Variants in ACOX3 observed in about 807,000 individuals in gnomAD.
ACOX3 encodes the protein acyl-CoA oxidase 3, pristanoyl.
ACOX3 carries 73 observed loss-of-function variants against 81.5 expected under a neutral mutation model. That is an observed-to-expected ratio of 0.90 (90% CI 0.74 to 1.09). The LOEUF is 1.09. Ranked by LOEUF, ACOX3 falls within the 50% of genes least tolerant of loss-of-function variation. The probability of loss-of-function intolerance (pLI) is 0.00; values close to 1 mark genes in which losing one functional copy is unlikely to be tolerated. For synonymous variants in ACOX3, 387 were observed against 375.1 expected (o/e 1.03, Z -0.37); for missense variants, 947 against 928.0 (o/e 1.02, Z -0.27).
intron 6 of ACOX3, 84 bp downstream of exon 6, chr4:8,410,128 G>C: frequency 6.6e-7 from 1 of 1,505,422 alleles, no homozygotes; most frequent in Non-Finnish European, 9.0e-7. Context: ...CCCCACCCTT[G>C]TTATGACAAA....
At chr4:8,409,217 CTT>C (rs1389953647) in intron 6 of ACOX3, among the ~76,000 whole-genome samples, 1 of 152,246 alleles carries the variant, frequency 6.6e-6, no homozygotes. Flanking sequence ...AATTGAAAAA[CTT>C]TGTGCATCAA....
At chr4:8,373,397 G>A (rs995982368) in intron 16 of ACOX3, among the ~76,000 whole-genome samples, 164 bp downstream of exon 16, 10 of 150,332 alleles carry the variant, frequency 6.7e-5, no homozygotes, top group Admixed American at 3.3e-4. Context: ...GTCGGTCTGG[G>A]TAAGGGGGTG....
At chr4:8,403,382 G>A (rs1009232957) in intron 7 of ACOX3, among the ~76,000 whole-genome samples, 3 of 152,302 alleles carry the variant, frequency 2.0e-5, no homozygotes, top group African/African-American at 7.2e-5. Flanking sequence ...TCCAGCCCTG[G>A]ATGGGAAATG....
intron 6 of ACOX3, 151 bp downstream of exon 6, chr4:8,410,061 G>A: frequency 9.8e-7 from 1 of 1,024,486 alleles, no homozygotes; most frequent in Non-Finnish European, 1.4e-6. Context: ...GGGGCTATGG[G>A]ATGCACTGGG....
chr4:8,433,612 G>A (rs1013720135), intron 1 of ACOX3, among the ~76,000 whole-genome samples: 1 of 152,202 alleles, frequency 6.6e-6, no homozygotes, highest in African/African-American at 2.4e-5. Flanking sequence ...CAGTGTGTCT[G>A]GGAGGATACG....
chr4:8,414,536 G>A lies in ACOX3; in HGVS notation c.454-155C>T, dbSNP rs1459701352. On this transcript the variant is annotated intron_variant, in intron 4 of 17. Transcript: ENST00000356406. This position sits in a 1 kb window ranked among gnomAD's most constrained non-coding sequence, Gnocchi z 6.1. ...ACTAGTGACTTGACTGAGTCATGCTGCCACACTCAGCTGGCAACCACAGCA... is the reference window on the plus strand; with the variant it reads ...ACTAGTGACTTGACTGAGTCATGCTACCACACTCAGCTGGCAACCACAGCA... Among the ~76,000 whole-genome samples the A allele has an allele frequency of 6.6e-6, 1 of 152,154 alleles. No homozygotes were observed. The highest frequency in any genetic ancestry group is 2.4e-5 in the African/African-American group (1 of 41,428).
At chr4:8,365,643 G>T (rs1361340610), downstream of ACOX3, among the ~76,000 whole-genome samples, 2 of 152,206 alleles carry the variant, frequency 1.3e-5, no homozygotes, top group Non-Finnish European at 2.9e-5. Context: ...CCCACGAGAT[G>T]ATGAATCCTG....
chr4:8,404,934 G>GA (rs1417877652), intron 7 of ACOX3, among the ~76,000 whole-genome samples: 1 of 152,142 alleles, frequency 6.6e-6, no homozygotes, highest in Admixed American at 6.5e-5. Flanking sequence ...GCTCTCGGGG[G>GA]AGACAGCGTG....
At chr4:8,425,725 G>T (rs903539610) in intron 1 of ACOX3, among the ~76,000 whole-genome samples, 7 of 151,214 alleles carry the variant, frequency 4.6e-5, no homozygotes. Flanking sequence ...CACTGGTTGG[G>T]AGGAGGCCTT....
intron 1 of ACOX3, among the ~76,000 whole-genome samples, chr4:8,427,275 A>C (rs905408273): frequency 6.6e-6 from 1 of 152,250 alleles, no homozygotes; most frequent in Non-Finnish European, 1.5e-5. Context: ...ATTCAAGCCG[A>C]ATCGGGCAAC....
In ACOX3 at chr4:8,381,623, C is replaced by T; in HGVS notation, c.1538-16G>A. ...GCCAGGGCGACTTCGGAATGACAAA[C>T]AGAAGGAGAAAAAGTAACAATAGAG... On this transcript the variant is annotated splice_polypyrimidine_tract_variant and intron_variant, in intron 13 of 17. Transcript: ENST00000356406. This position sits in a 1 kb window ranked among gnomAD's most constrained non-coding sequence, Gnocchi z 4.3. 1 of 1,582,362 alleles carries T rather than the reference C, an allele frequency of 6.3e-7. No homozygotes were observed. The highest frequency in any genetic ancestry group is 8.7e-7 in the Non-Finnish European group (1 of 1,152,858).
chr4:8,381,637 G>T lies in ACOX3; in HGVS notation c.1538-30C>A. ...GGAATGACAAACAGAAGGAGAAAAA[G>T]TAACAATAGAGAACACAGCATTTGT... On this transcript the variant is annotated intron_variant, in intron 13 of 17. Transcript: ENST00000356406. The surrounding 1 kb of genome is among the most constrained non-coding windows in gnomAD (Gnocchi z 4.3). 1.3e-6 allele frequency: 2 copies of T among 1,533,618 alleles called. No individual in the cohort carries two copies. The highest frequency in any genetic ancestry group is 1.8e-6 in the Non-Finnish European group (2 of 1,109,266).
In ACOX3 at chr4:8,419,020, C is replaced by T. The variant is rs548861032; in HGVS notation, c.-14-2485G>A. On this transcript the variant is annotated intron_variant, in intron 1 of 17. Transcript: ENST00000356406. The surrounding 1 kb of genome is among the most constrained non-coding windows in gnomAD (Gnocchi z 4.2). ...AAAAAGATACTAAAATACTAAATGC[C>T]GGCTATAGTGGCACGTGCCTGTGGT... 7.0e-4 allele frequency among the ~76,000 whole-genome samples: 106 copies of T among 151,712 alleles called. No individual in the cohort carries two copies. Among genetic ancestry groups the T allele is most frequent in the African/African-American group, 2.5e-3 (103 of 41,254 alleles).
Position 8,374,048 on chromosome 4 carries a change from G to C in ACOX3, c.1829-420C>G, listed in dbSNP as rs1716613311. On this transcript the variant is annotated intron_variant, in intron 15 of 17. Coordinates refer to ENST00000356406, the MANE Select transcript of ACOX3 (RefSeq NM_003501.3). Reference sequence around the variant, plus strand: ...AGGGGGTGCCTGGGACCACCCAGGGGAGTTGGGGGCGGTGGGCACCTGCAG... The same window carrying C: ...AGGGGGTGCCTGGGACCACCCAGGGCAGTTGGGGGCGGTGGGCACCTGCAG... 1.3e-5 allele frequency: 3 copies of C among 225,784 alleles called. No homozygotes were observed. The South Asian group carries it at 2.0e-4, about 15-fold the overall frequency. 14.0% of individuals were successfully genotyped at this position (225,784 alleles called of 1,614,324 possible). A position where few individuals can be genotyped will look rare whatever the true frequency, so the allele number is the denominator to read the frequency against.
At chr4:8,390,473 T>C (rs146932022) in intron 11 of ACOX3, among the ~76,000 whole-genome samples, 102 of 152,314 alleles carry the variant, frequency 6.7e-4, no homozygotes, top group African/African-American at 2.3e-3. Flanking sequence ...GGGTTGCTGA[T>C]AGGAGGGAGC....
chr4:8,389,877 G>C lies in ACOX3; in HGVS notation c.1301-143C>G. 1 of 1,094,798 alleles carries C rather than the reference G, an allele frequency of 9.1e-7. No individual in the cohort carries two copies. Among genetic ancestry groups the C allele is most frequent in the Non-Finnish European group, 1.3e-6 (1 of 771,764 alleles). The allele number at this position is 1,094,798 out of a possible 1,614,324, so 67.8% of individuals were successfully genotyped here. On this transcript the variant is annotated intron_variant, in intron 11 of 17. Coordinates refer to ENST00000356406, the MANE Select transcript of ACOX3 (RefSeq NM_003501.3). The surrounding 1 kb of genome is among the most constrained non-coding windows in gnomAD (Gnocchi z 5.3). ...GGCAGCACTTTGGGGGGCCGAGGCG[G>C]GTGGATCACTTGAAGCCAGGTGTTC...
chr4:8,432,038 A>C lies in ACOX3; in HGVS notation c.-15+8610T>G, dbSNP rs1723987216. Among the ~76,000 whole-genome samples, 1 of 152,118 alleles carries C rather than the reference A, an allele frequency of 6.6e-6. No homozygotes were observed. Among genetic ancestry groups the C allele is most frequent in the Non-Finnish European group, 1.5e-5 (1 of 68,026 alleles). The stretch of plus-strand genomic sequence containing the variant: ...AGGGAATGGGTTCTGATGATTCGGC[A>C]CCAAGAATGATCCATCACAGCTCAG... On this transcript the variant is annotated intron_variant, in intron 1 of 17. Coordinates refer to ENST00000356406, the MANE Select transcript of ACOX3 (RefSeq NM_003501.3). This position sits in a 1 kb window ranked among gnomAD's most constrained non-coding sequence, Gnocchi z 6.2.
intron 16 of ACOX3, among the ~76,000 whole-genome samples, chr4:8,372,388 C>T (rs569725174): frequency 2.0e-5 from 3 of 152,322 alleles, no homozygotes; most frequent in East Asian, 1.9e-4. Flanking sequence ...GAATGAGCCA[C>T]CACACCCGGA....
In ACOX3 at chr4:8,373,414, GGC is replaced by G. The variant is rs1211047301; in HGVS notation, c.1896+145_1896+146del. On this transcript the variant is annotated intron_variant, in intron 16 of 17. Coordinates refer to ENST00000356406, the MANE Select transcript of ACOX3 (RefSeq NM_003501.3). The stretch of plus-strand genomic sequence containing the variant: ...CGGTCTGGGTAAGGGGGTGCGTGTA[GGC>G]TCTGGGTGACGCTAAGGGGGTGCGT... 2.8e-5 allele frequency: 22 copies of G among 795,682 alleles called. No homozygotes were observed. The African/African-American group carries it at 3.4e-4, about 12-fold the overall frequency. 49.3% of individuals were successfully genotyped at this position (795,682 alleles called of 1,614,324 possible).
Sources: gnomAD v4.1 joint callset for allele counts (sites outside exome capture counted in the v4.1 genomes callset) on GRCh38, gnomAD v4.1.1 for gene constraint, Gnocchi (gnomAD v3.1) non-coding constraint, MANE v1.5 for transcripts, NCBI Gene and HGNC (gene_info 2026-07-23, HGNC 2026-07-21) for gene names.